The following RGS17 variants were observed in gnomAD, a reference collection of about 807,000 sequenced individuals.
The protein encoded by RGS17 is regulator of G-protein signaling 17.
Under a neutral mutation model 25.5 loss-of-function variants are expected in RGS17, and 12 were observed. That is an observed-to-expected ratio of 0.47 (90% CI 0.30 to 0.76). The LOEUF is 0.76. Ranked by LOEUF, RGS17 falls within the 30% of genes least tolerant of loss-of-function variation. RGS17 has a pLI of 0.07. For synonymous variants in RGS17, 71 were observed against 76.9 expected (o/e 0.92, Z 0.40); for missense variants, 196 against 242.2 (o/e 0.81, Z 1.27).
At chr6:153,110,749 T>A (rs942834470) in intron 1 of RGS17, among the ~76,000 whole-genome samples, 1 of 152,122 alleles carries the variant, frequency 6.6e-6, no homozygotes, top group Non-Finnish European at 1.5e-5. Context: ...GCTCATCTCA[T>A]TGCGACTGCT....
chr6:153,048,930 T>C (rs774472661), intron 1 of RGS17, among the ~76,000 whole-genome samples: 48 of 152,232 alleles, frequency 3.2e-4, no homozygotes, highest in Non-Finnish European at 6.5e-4. Context: ...GTTTTGTTCA[T>C]TGTTGTAACA....
Position 153,117,381 on chromosome 6 carries a change from C to T in RGS17, c.-26+13743G>A, listed in dbSNP as rs904082218. On this transcript the variant is annotated intron_variant, in intron 1 of 4. Transcript: ENST00000206262. ...CACCCACCAGGTCTCTCCCTAAACA[C>T]GTGGGGATTATGGGAATTACAAATC... Among the ~76,000 whole-genome samples, 9 of 152,242 alleles carry T rather than the reference C, an allele frequency of 5.9e-5. No individual in the cohort carries two copies. The South Asian group carries it at 8.3e-4, about 14-fold the overall frequency.
chr6:153,070,882 C>T (rs534862817), intron 1 of RGS17, among the ~76,000 whole-genome samples: 86 of 149,302 alleles, frequency 5.8e-4, no homozygotes, highest in African/African-American at 1.7e-3. Context: ...TGCCCATATA[C>T]GCATATGTAC....
intron 1 of RGS17, among the ~76,000 whole-genome samples, chr6:153,097,302 T>G (rs1219340184): frequency 3.9e-4 from 55 of 141,900 alleles, no homozygotes; most frequent in African/African-American, 1.4e-3. Context: ...TTTTTTTTTT[T>G]TTTTTTTTTT....
intron 4 of RGS17, among the ~76,000 whole-genome samples, chr6:153,022,834 G>T (rs568090151): frequency 2.0e-5 from 3 of 152,106 alleles, no homozygotes; most frequent in Non-Finnish European, 4.4e-5. Context: ...GAATTATACC[G>T]GTGTTAGAAA....
At chr6:153,050,051 A>G (rs1474383863) in intron 1 of RGS17, among the ~76,000 whole-genome samples, 6 of 152,188 alleles carry the variant, frequency 3.9e-5, no homozygotes, top group Non-Finnish European at 1.5e-5. Context: ...TCATTCAAGA[A>G]TGACAGACTA....
chr6:153,073,503 G>T (rs1776836577), intron 1 of RGS17, among the ~76,000 whole-genome samples: 2 of 152,262 alleles, frequency 1.3e-5, no homozygotes, highest in South Asian at 4.1e-4. Context: ...GTTTAAAAAC[G>T]GTGTTGGCAA....
At chr6:153,058,115 G>C (rs561201861) in intron 1 of RGS17, among the ~76,000 whole-genome samples, 1 of 152,312 alleles carries the variant, frequency 6.6e-6, no homozygotes, top group Non-Finnish European at 1.5e-5. Flanking sequence ...AGGGCTGAAT[G>C]AATTTGACAC....
At chr6:153,122,596 T>A (rs1397489489) in intron 1 of RGS17, among the ~76,000 whole-genome samples, 2 of 152,130 alleles carry the variant, frequency 1.3e-5, no homozygotes, top group African/African-American at 2.4e-5. Context: ...ATCAGGGCAG[T>A]TTATTCCTAC....
At chr6:153,120,662 G>A (rs1212072168) in intron 1 of RGS17, among the ~76,000 whole-genome samples, 1 of 152,158 alleles carries the variant, frequency 6.6e-6, no homozygotes, top group Admixed American at 6.5e-5. Context: ...ACTCTGCCTA[G>A]CAAGGAAAAT....
At chr6:153,068,560 G>GT (rs1464700289) in intron 1 of RGS17, among the ~76,000 whole-genome samples, 1 of 152,124 alleles carries the variant, frequency 6.6e-6, no homozygotes, top group Admixed American at 6.6e-5. Context: ...TTCCTGAGTA[G>GT]TATCCCACAA....
At chr6:153,059,114 G>A (rs1031054987) in intron 1 of RGS17, among the ~76,000 whole-genome samples, 1 of 151,926 alleles carries the variant, frequency 6.6e-6, no homozygotes, top group African/African-American at 2.4e-5. Context: ...ACTTGATGGT[G>A]AGTCAGCAAT....
rs1360572480 is a variant in RGS17, at chr6:153,022,069, G to A, written c.444+2193C>T. Among the ~76,000 whole-genome samples the A allele has an allele frequency of 5.3e-5, 8 of 152,116 alleles. No individual in the cohort carries two copies. The South Asian group carries it at 8.3e-4, about 16-fold the overall frequency. ...CTAAAAATACAGTAATTAGCCCGGC[G>A]TGTTGGCGGGTGCCTGTAATCCCAG... On this transcript the variant is annotated intron_variant, in intron 4 of 4. Coordinates refer to ENST00000206262, the MANE Select transcript of RGS17 (RefSeq NM_012419.5).
chr6:153,097,290 ATTTTTTTTTTTTTTTTTTTT>A (rs3083488), intron 1 of RGS17, among the ~76,000 whole-genome samples: 1 of 88,302 alleles, frequency 1.1e-5, no homozygotes, highest in East Asian at 3.0e-4. Context: ...CGTTTTTTTG[ATTTTTTTTTTTTTTTTTTTT>A]TTTTTTTTGG....
At position 153,051,147 on chromosome 6, in the gene RGS17, T is replaced by C. The variant is rs1055121840; in HGVS notation, c.-25-7104A>G. Among the ~76,000 whole-genome samples the C allele has an allele frequency of 5.9e-5, 9 of 152,232 alleles. No homozygotes were observed. The East Asian group carries it at 1.2e-3, about 20-fold the overall frequency. On this transcript the variant is annotated intron_variant, in intron 1 of 4. Transcript: ENST00000206262. ...TGTTATTGATAAGCCACCCTACATA[T>C]GGTATTTTATTATAGCAGCCCAAAC...
chr6:153,032,773 G>A (rs780197292), intron 2 of RGS17, among the ~76,000 whole-genome samples: 4 of 138,184 alleles, frequency 2.9e-5, no homozygotes, highest in Non-Finnish European at 4.7e-5. Flanking sequence ...AATAGATCCC[G>A]GCCCAAAGTC....
rs1205305073 is a variant in RGS17 at position 153,020,107 on chromosome 6, A to ATATATATATATAT, written c.444+4154_444+4155insATATATATATATA. 6.9e-4 allele frequency among the ~76,000 whole-genome samples: 33 copies of ATATATATATATAT among 47,838 alleles called. 1 individual carries two copies. The highest frequency in any genetic ancestry group is 3.2e-3 in the South Asian group (4 of 1,260). The allele number at this position is 47,838 out of a possible 152,430, so 31.4% of individuals were successfully genotyped here. The stretch of plus-strand genomic sequence containing the variant: ...TCCTAATTGCAAATATCTTAAAAAA[A>ATATATATATATAT]AAAAATATATATATATATATATATA... On this transcript the variant is annotated intron_variant, in intron 4 of 4. Coordinates refer to ENST00000206262, the MANE Select transcript of RGS17 (RefSeq NM_012419.5).
At chr6:153,102,947 T>C (rs1562334696) in intron 1 of RGS17, among the ~76,000 whole-genome samples, 1 of 152,232 alleles carries the variant, frequency 6.6e-6, no homozygotes, top group South Asian at 2.1e-4. Context: ...AACTGCTGAA[T>C]GAATAAAATG....
intron 1 of RGS17, among the ~76,000 whole-genome samples, chr6:153,082,009 T>C (rs934962144): frequency 1.3e-5 from 2 of 152,182 alleles, no homozygotes; most frequent in Non-Finnish European, 1.5e-5. Context: ...TTGGGGAGAA[T>C]ATAAAGATTC....
Sources: gnomAD v4.1 joint callset for allele counts (sites outside exome capture counted in the v4.1 genomes callset) on GRCh38, gnomAD v4.1.1 for gene constraint, MANE v1.5 for transcripts, NCBI Gene and HGNC (gene_info 2026-07-23, HGNC 2026-07-21) for gene names.